CCDC171: variants seen among roughly 807,000 people sequenced by gnomAD.
The protein encoded by CCDC171 is coiled-coil domain containing 171, also known as coiled-coil domain-containing protein 171.
A neutral mutation model predicts 168.2 loss-of-function variants in CCDC171; 177 were observed. The observed-to-expected ratio is 1.05, with a 90% CI of 0.93 to 1.19. CCDC171 has a LOEUF of 1.19. Ranked by LOEUF, CCDC171 falls within the 50% of genes most tolerant of loss-of-function variation. The pLI, the probability that CCDC171 is intolerant of heterozygous loss-of-function variation, is 0.00. For synonymous variants in CCDC171, 687 were observed against 540.8 expected (o/e 1.27, Z -3.75); for missense variants, 1,991 against 1,539.0 (o/e 1.29, Z -4.91).
chr9:16,010,509 C>T (rs1832840187), intron 3 of CCDC171, among the ~76,000 whole-genome samples: 1 of 152,092 alleles, frequency 6.6e-6, no homozygotes, highest in African/African-American at 2.4e-5. Context: ...CAGAGCAGCT[C>T]AGCCCTCTCG....
intron 21 of CCDC171, among the ~76,000 whole-genome samples, chr9:15,832,113 TC>T (rs2060259053): frequency 6.6e-6 from 1 of 152,220 alleles, no homozygotes; most frequent in East Asian, 1.9e-4. Context: ...ATCTTCTTTT[TC>T]TTTTTGTTTT....
At chr9:15,908,570 G>T (rs1323851616) in intron 24 of CCDC171, among the ~76,000 whole-genome samples, 1 of 152,156 alleles carries the variant, frequency 6.6e-6, no homozygotes, top group East Asian at 1.9e-4. Flanking sequence ...ATTAGTTACT[G>T]GGTGCAGCAC....
chr9:15,648,773 C>T (rs940388181), intron 7 of CCDC171, among the ~76,000 whole-genome samples: 1 of 152,150 alleles, frequency 6.6e-6, no homozygotes, highest in African/African-American at 2.4e-5. Flanking sequence ...GAAGAACCTT[C>T]CATGCTCATG....
chr9:15,713,803 G>A (rs998728217), intron 11 of CCDC171, among the ~76,000 whole-genome samples: 1 of 151,726 alleles, frequency 6.6e-6, no homozygotes, highest in African/African-American at 2.4e-5. Context: ...CATCAATTTA[G>A]TAGAGAATGA....
At chr9:15,905,171 C>T (rs1822363754) in intron 24 of CCDC171, among the ~76,000 whole-genome samples, 3 of 152,150 alleles carry the variant, frequency 2.0e-5, no homozygotes, top group South Asian at 4.1e-4. Flanking sequence ...ACCAAGCAGA[C>T]CTAATAGACA....
intron 13 of CCDC171, 87 bp from the exon 14 acceptor site, chr9:15,724,689 A>C: frequency 1.3e-6 from 1 of 766,086 alleles, no homozygotes; most frequent in Middle Eastern, 4.0e-4. Flanking sequence ...AAGCTTTGAA[A>C]ATGTTCAATA....
chr9:15,937,743 A>AT (rs1827266416), intron 25 of CCDC171, among the ~76,000 whole-genome samples: 1 of 151,972 alleles, frequency 6.6e-6, no homozygotes, highest in South Asian at 2.1e-4. Flanking sequence ...GAGCTAAATG[A>AT]TTTCTTTAAA....
intron 3 of CCDC171, among the ~76,000 whole-genome samples, chr9:15,986,530 C>A (rs1408880353): frequency 6.6e-6 from 1 of 152,156 alleles, no homozygotes; most frequent in African/African-American, 2.4e-5. Flanking sequence ...TAAAAACTAA[C>A]CTGCTCTCGT....
intron 3 of CCDC171, among the ~76,000 whole-genome samples, chr9:15,984,100 A>AATC (rs372621926): frequency 1.1e-5 from 1 of 92,904 alleles, no homozygotes; most frequent in Non-Finnish European, 2.3e-5. Flanking sequence ...TCTTTGAAAT[A>AATC]TAGAGCCCAG....
At chr9:15,893,817 T>G (rs1820527985) in intron 24 of CCDC171, among the ~76,000 whole-genome samples, 1 of 152,122 alleles carries the variant, frequency 6.6e-6, no homozygotes. Flanking sequence ...AGGAACACTT[T>G]TACACTGTTG....
intron 21 of CCDC171, among the ~76,000 whole-genome samples, 198 bp downstream of exon 21, chr9:15,784,892 A>C (rs1324688303): frequency 6.6e-6 from 1 of 152,140 alleles, no homozygotes; most frequent in African/African-American, 2.4e-5. Flanking sequence ...AGTAGGCTTT[A>C]CTTGCTGGTT....
chr9:15,664,567 T>TACACACAC (rs34252519), intron 8 of CCDC171, among the ~76,000 whole-genome samples: 3,128 of 144,076 alleles, frequency 0.022, 55 homozygotes, highest in Non-Finnish European at 0.034. Context: ...CTTAAATTTA[T>TACACACAC]ACACACACAC....
intron 10 of CCDC171, among the ~76,000 whole-genome samples, chr9:15,681,800 C>T (rs1391547559): frequency 6.6e-6 from 1 of 151,970 alleles, no homozygotes; most frequent in African/African-American, 2.4e-5. Flanking sequence ...TTTGTGCTTT[C>T]AATTCATAAT....
chr9:15,570,798 T>C (rs993165576), intron 2 of CCDC171, among the ~76,000 whole-genome samples: 2 of 152,200 alleles, frequency 1.3e-5, no homozygotes, highest in African/African-American at 4.8e-5. Context: ...TATATAACTT[T>C]TAACTCAAGC....
Position 15,781,925 on chromosome 9 carries a change from G to C in CCDC171, c.3082-2584G>C, listed in dbSNP as rs138024737. 6.1e-3 allele frequency among the ~76,000 whole-genome samples: 923 copies of C among 152,130 alleles called. 6 individuals carry two copies. The highest frequency in any genetic ancestry group is 0.01 in the Non-Finnish European group (697 of 67,974). ...GGAGCAGATAGAAACTAAGTAGCTT[G>C]CCTGGAGTCATATAGTTATTAATGG... On this transcript the variant is annotated intron_variant, in intron 20 of 25. Transcript: ENST00000380701.
intron 25 of CCDC171, among the ~76,000 whole-genome samples, chr9:15,956,261 G>A (rs537391185): frequency 6.6e-6 from 1 of 152,204 alleles, no homozygotes; most frequent in Admixed American, 6.5e-5. Flanking sequence ...GCTTTGCCTG[G>A]TGTGAAATAG....
chr9:15,892,764 C>A (rs1411020294), intron 24 of CCDC171, among the ~76,000 whole-genome samples: 1 of 152,040 alleles, frequency 6.6e-6, no homozygotes, highest in Non-Finnish European at 1.5e-5. Flanking sequence ...AACTACAAAC[C>A]ACTGCCCAAA....
the CCDC171 span, among the ~76,000 whole-genome samples, chr9:16,070,660 G>C: frequency 2.6e-5 from 4 of 152,206 alleles, no homozygotes; most frequent in African/African-American, 9.7e-5. Context: ...AAAGAGGAGA[G>C]AGGAGCCGCC....
At chr9:15,850,840 G>A (rs2061094637) in intron 23 of CCDC171, among the ~76,000 whole-genome samples, 1 of 151,970 alleles carries the variant, frequency 6.6e-6, no homozygotes, top group Non-Finnish European at 1.5e-5. Flanking sequence ...AGTATGGAAG[G>A]AGGGTCCAGG....
Sources: gnomAD v4.1 joint callset for allele counts (sites outside exome capture counted in the v4.1 genomes callset) on GRCh38, gnomAD v4.1.1 for gene constraint, MANE v1.5 for transcripts, NCBI Gene and HGNC (gene_info 2026-07-23, HGNC 2026-07-21) for gene names.